Variants in NHEJ1 observed in about 807,000 individuals in gnomAD.
NHEJ1 encodes non-homologous end joining factor 1.
A neutral mutation model predicts 39.4 loss-of-function variants in NHEJ1; 22 were observed. The ratio of observed to expected loss-of-function variants is 0.56; its 90% confidence interval spans 0.40 to 0.80. The LOEUF (loss-of-function observed/expected upper bound fraction) is 0.80. NHEJ1 is among the 30% of genes least tolerant of loss of function. NHEJ1 has a pLI of 0.00. For synonymous variants in NHEJ1, 154 were observed against 135.6 expected (o/e 1.14, Z -0.94); for missense variants, 329 against 357.1 (o/e 0.92, Z 0.63).
At chr2:219,152,704 C>A (rs61531734) in intron 3 of NHEJ1, among the ~76,000 whole-genome samples, 2 of 152,032 alleles carry the variant, frequency 1.3e-5, no homozygotes, top group African/African-American at 4.8e-5. Flanking sequence ...TGGTCTCAAG[C>A]AATCCTCCTG....
chr2:219,132,446 C>T (rs2106351844), intron 5 of NHEJ1, among the ~76,000 whole-genome samples: 1 of 152,286 alleles, frequency 6.6e-6, no homozygotes, highest in African/African-American at 2.4e-5. Context: ...TTAAACCAAG[C>T]AGTATTATCC....
At chr2:219,132,309 G>A (rs1238344622) in intron 5 of NHEJ1, among the ~76,000 whole-genome samples, 1 of 152,098 alleles carries the variant, frequency 6.6e-6, no homozygotes, top group South Asian at 2.1e-4. Context: ...CAAATTTAGG[G>A]GGGGATACTC....
chr2:219,080,602 AAT>A (rs1491130622), intron 5 of NHEJ1, among the ~76,000 whole-genome samples: 2 of 109,842 alleles, frequency 1.8e-5, no homozygotes, highest in African/African-American at 6.2e-5. Flanking sequence ...TATATATGCT[AAT>A]ATATATAAGC....
rs1339344750 is a variant in NHEJ1 at position 219,074,536 on chromosome 2, GAGT to G, written c.*1842_*1844del. Among the ~76,000 whole-genome samples, 1 of 152,128 alleles carries G rather than the reference GAGT, an allele frequency of 6.6e-6. No homozygotes were observed. Among genetic ancestry groups the G allele is most frequent in the Non-Finnish European group, 1.5e-5 (1 of 68,030 alleles). On this transcript the variant is annotated 3_prime_UTR_variant, in exon 8 of 8. Coordinates refer to ENST00000356853, the MANE Select transcript of NHEJ1 (RefSeq NM_024782.3). Reference sequence around the variant, plus strand: ...AGGCAGGTAGATCACCTGAGGTCAGGAGTTCGAGACCAGCCTAGCCAACATGGT... The same window carrying G: ...AGGCAGGTAGATCACCTGAGGTCAGGTCGAGACCAGCCTAGCCAACATGGT...
intron 5 of NHEJ1, among the ~76,000 whole-genome samples, chr2:219,106,264 A>G (rs1949312737): frequency 6.6e-6 from 1 of 152,150 alleles, no homozygotes; most frequent in South Asian, 2.1e-4. Context: ...CTGTAGAGAT[A>G]AGTTTGAAGA....
intron 5 of NHEJ1, among the ~76,000 whole-genome samples, chr2:219,088,807 CTTT>C (rs969838872): frequency 1.3e-5 from 2 of 152,012 alleles, no homozygotes; most frequent in East Asian, 3.9e-4. Context: ...TATACTTCAG[CTTT>C]TTTTTGTTTG....
intron 5 of NHEJ1, among the ~76,000 whole-genome samples, chr2:219,136,408 T>C (rs1480374592): frequency 1.3e-5 from 2 of 151,068 alleles, no homozygotes; most frequent in Non-Finnish European, 3.0e-5. Context: ...CCTGCCTCAG[T>C]CTCCCAAGTA....
intron 5 of NHEJ1, among the ~76,000 whole-genome samples, chr2:219,128,016 C>A (rs1291844264): frequency 6.6e-6 from 1 of 152,180 alleles, no homozygotes; most frequent in Non-Finnish European, 1.5e-5. Context: ...AATTCCTTTT[C>A]CTACTCATCC....
intron 5 of NHEJ1, among the ~76,000 whole-genome samples, chr2:219,116,809 A>G (rs929803518): frequency 6.6e-6 from 1 of 152,208 alleles, no homozygotes; most frequent in African/African-American, 2.4e-5. Context: ...CACATTTGCA[A>G]TAAACAAACC....
At chr2:219,109,515 C>T (rs1949344004) in intron 5 of NHEJ1, among the ~76,000 whole-genome samples, 1 of 152,166 alleles carries the variant, frequency 6.6e-6, no homozygotes, top group Non-Finnish European at 1.5e-5. Context: ...GACCCAGAGC[C>T]ACAGCCTTCC....
intron 1 of NHEJ1, among the ~76,000 whole-genome samples, chr2:219,159,538 CATATATATATATGCAT>C (rs1949896543): frequency 2.0e-5 from 1 of 50,276 alleles, no homozygotes; most frequent in African/African-American, 8.4e-5. Flanking sequence ...TATATATATG[CATATATATATATGCAT>C]ATATATATGC....
Position 219,075,329 on chromosome 2 carries a change from GTTC to G in NHEJ1, c.*1049_*1051del, listed in dbSNP as rs925239720. Reference sequence around the variant, plus strand: ...TAAATGTTAGCTATTTATTATTGTTGTTCTTATTATAATTATTTTATTATTGTT... The same window carrying G: ...TAAATGTTAGCTATTTATTATTGTTGTTATTATAATTATTTTATTATTGTT... On this transcript the variant is annotated 3_prime_UTR_variant, in exon 8 of 8. Transcript: ENST00000356853. 9.9e-5 allele frequency: 15 copies of G among 152,076 alleles called. No homozygotes were observed. The highest frequency in any genetic ancestry group is 3.4e-4 in the African/African-American group (14 of 41,408). 9.4% of individuals were successfully genotyped at this position (152,076 alleles called of 1,614,324 possible).
At chr2:219,122,398 T>C (rs899441772) in intron 5 of NHEJ1, among the ~76,000 whole-genome samples, 2 of 152,314 alleles carry the variant, frequency 1.3e-5, no homozygotes, top group Middle Eastern at 6.8e-3. Flanking sequence ...TTCTGAGCCA[T>C]ATGCTTCTTG....
chr2:219,118,890 T>C (rs1486978322), intron 5 of NHEJ1, among the ~76,000 whole-genome samples: 1 of 152,122 alleles, frequency 6.6e-6, no homozygotes, highest in East Asian at 1.9e-4. Context: ...TGGCGGCTGG[T>C]GGGAGCTGGG....
Position 219,072,150 on chromosome 2 carries a change from G to A in NHEJ1, c.*4231C>T, listed in dbSNP as rs1047157264. Among the ~76,000 whole-genome samples, 2 of 152,132 alleles carry A rather than the reference G, an allele frequency of 1.3e-5. No homozygotes were observed. Among genetic ancestry groups the A allele is most frequent in the African/African-American group, 2.4e-5 (1 of 41,426 alleles). On this transcript the variant is annotated 3_prime_UTR_variant, in exon 8 of 8. Coordinates refer to ENST00000356853, the MANE Select transcript of NHEJ1 (RefSeq NM_024782.3). ...ATACCCTCCATGCACTGGATGTTCC[G>A]CTCATGGTGAGATCTTCTGAGGCCT...
intron 5 of NHEJ1, among the ~76,000 whole-genome samples, chr2:219,104,841 T>G (rs1949299952): frequency 6.6e-6 from 1 of 152,258 alleles, no homozygotes; most frequent in African/African-American, 2.4e-5. Context: ...TCATTCCTAC[T>G]GTCAGCCTCT....
At chr2:219,085,543 G>A (rs184072189) in intron 5 of NHEJ1, among the ~76,000 whole-genome samples, 1 of 152,274 alleles carries the variant, frequency 6.6e-6, no homozygotes, top group East Asian at 1.9e-4. Flanking sequence ...CCTGCAACAA[G>A]GTCTTCCCTG....
chr2:219,139,522 G>A (rs1460992047), intron 5 of NHEJ1, among the ~76,000 whole-genome samples: 1 of 152,170 alleles, frequency 6.6e-6, no homozygotes, highest in Non-Finnish European at 1.5e-5. Flanking sequence ...GAATTATCCG[G>A]ATGTTACAAT....
chr2:219,109,461 C>A (rs1949343286), intron 5 of NHEJ1, among the ~76,000 whole-genome samples: 1 of 152,154 alleles, frequency 6.6e-6, no homozygotes, highest in Non-Finnish European at 1.5e-5. Flanking sequence ...AGACGGGCAC[C>A]AACGTGAAGG....
Sources: allele counts gnomAD v4.1 joint callset (sites outside exome capture counted in the v4.1 genomes callset), GRCh38; gene constraint gnomAD v4.1.1; transcripts MANE v1.5; gene names NCBI Gene and HGNC (gene_info 2026-07-23, HGNC 2026-07-21).